The following GALNT10 variants were observed in gnomAD, a reference collection of about 807,000 sequenced individuals.
The protein encoded by GALNT10 is polypeptide N-acetylgalactosaminyltransferase 10.
A neutral mutation model predicts 75.0 loss-of-function variants in GALNT10; 41 were observed. The ratio of observed to expected loss-of-function variants is 0.55; its 90% confidence interval spans 0.43 to 0.71. The LOEUF is 0.71. Ranked by LOEUF, GALNT10 falls within the 30% of genes least tolerant of loss-of-function variation. GALNT10 has a pLI of 0.00. For missense variants in GALNT10, 727 were observed against 818.5 expected (o/e 0.89, Z 1.36); for synonymous variants, 302 against 313.0 (o/e 0.96, Z 0.37).
chr5:154,410,165 A>G lies in GALNT10; in HGVS notation c.1386+403A>G, dbSNP rs185236881. On this transcript the variant is annotated intron_variant, in intron 9 of 11. Transcript: ENST00000297107. ...CACAACAAACTCAGCTTTTTACTTC[A>G]CTTCTTGATAATGTGCATATTCTTC... is the stretch of plus-strand genomic sequence containing the variant. Among the ~76,000 whole-genome samples, 468 of 152,216 alleles carry G rather than the reference A, an allele frequency of 3.1e-3. 2 individuals carry two copies. The highest frequency in any genetic ancestry group is 0.011 in the African/African-American group (459 of 41,528).
At chr5:154,289,534 G>A (rs1282782818) in intron 1 of GALNT10, among the ~76,000 whole-genome samples, 1 of 152,194 alleles carries the variant, frequency 6.6e-6, no homozygotes, top group Non-Finnish European at 1.5e-5. Flanking sequence ...AGAACTGCAA[G>A]CTCTGGTTTG....
rs1245496605 is a variant in GALNT10 at position 154,418,837 on chromosome 5, T to G, written c.*1865T>G. The G allele has an allele frequency of 6.6e-6, 1 of 152,380 alleles. No individual in the cohort carries two copies. The highest frequency in any genetic ancestry group is 1.5e-5 in the Non-Finnish European group (1 of 68,042). The allele number at this position is 152,380 out of a possible 1,614,324, so 9.4% of individuals were successfully genotyped here. On this transcript the variant is annotated 3_prime_UTR_variant, in exon 12 of 12. Transcript: ENST00000297107. ...CCAGTGTCCTTTTCCAAATGAGTGCTGTAGCTTTAGAAGTGGCCCTCTATA... is the reference window on the plus strand; with the variant it reads ...CCAGTGTCCTTTTCCAAATGAGTGCGGTAGCTTTAGAAGTGGCCCTCTATA...
chr5:154,370,137 A>G (rs153415), intron 4 of GALNT10, among the ~76,000 whole-genome samples: 125,267 of 152,220 alleles, frequency 0.82, 51,592 homozygotes, highest in Middle Eastern at 0.93. Flanking sequence ...TGGACAAGAA[A>G]TGTTTTCTGG....
chr5:154,271,589 A>G (rs1020608017), intron 1 of GALNT10, among the ~76,000 whole-genome samples: 8 of 152,206 alleles, frequency 5.3e-5, no homozygotes, highest in Admixed American at 5.2e-4. Context: ...TGTCCTTCTC[A>G]TTATGTGTTC....
chr5:154,224,840 G>A (rs984425809), intron 1 of GALNT10, among the ~76,000 whole-genome samples: 1 of 149,474 alleles, frequency 6.7e-6, no homozygotes, highest in African/African-American at 2.5e-5. Context: ...GAGTGCAGTG[G>A]CAGGATCTCG....
chr5:154,206,508 A>T (rs529510838), intron 1 of GALNT10, among the ~76,000 whole-genome samples: 2 of 152,224 alleles, frequency 1.3e-5, no homozygotes, highest in Non-Finnish European at 2.9e-5. Flanking sequence ...CGAGTGTTGC[A>T]AGAGGAGATC....
chr5:154,204,079 C>T (rs969325367), intron 1 of GALNT10, among the ~76,000 whole-genome samples: 18 of 152,138 alleles, frequency 1.2e-4, no homozygotes, highest in Non-Finnish European at 2.9e-5. Flanking sequence ...ATGAAAGAGC[C>T]CTGGGTTTTG....
intron 1 of GALNT10, among the ~76,000 whole-genome samples, chr5:154,290,158 C>G (rs191051322): frequency 1.3e-5 from 2 of 149,126 alleles, no homozygotes; most frequent in East Asian, 3.9e-4. Flanking sequence ...GTTGCACAAT[C>G]GCGGCTCACC....
chr5:154,359,875 A>G (rs1246887010), intron 4 of GALNT10, among the ~76,000 whole-genome samples: 1 of 151,836 alleles, frequency 6.6e-6, no homozygotes, highest in African/African-American at 2.4e-5. Context: ...CTAAATAGGA[A>G]CTGCTTGGTG....
chr5:154,234,642 A>T (rs1051053912), intron 1 of GALNT10, among the ~76,000 whole-genome samples: 11 of 152,348 alleles, frequency 7.2e-5, no homozygotes, highest in African/African-American at 2.6e-4. Flanking sequence ...ATTCAAACCC[A>T]TTGAGTCTGG....
At chr5:154,257,628 G>T (rs60369186) in intron 1 of GALNT10, among the ~76,000 whole-genome samples, 1 of 150,598 alleles carries the variant, frequency 6.6e-6, no homozygotes, top group Non-Finnish European at 1.5e-5. Flanking sequence ...AGCCGAGATC[G>T]CACCACTGCA....
At chr5:154,236,509 A>G (rs1489962006) in intron 1 of GALNT10, among the ~76,000 whole-genome samples, 1 of 152,138 alleles carries the variant, frequency 6.6e-6, no homozygotes, top group Non-Finnish European at 1.5e-5. Context: ...AGCATCTGTT[A>G]GAAGTATTTT....
chr5:154,382,935 G>A (rs1755754686), intron 6 of GALNT10, among the ~76,000 whole-genome samples: 2 of 152,360 alleles, frequency 1.3e-5, no homozygotes, highest in South Asian at 4.1e-4. Flanking sequence ...GGCCTCACCA[G>A]AGAGCACTGG....
intron 10 of GALNT10, among the ~76,000 whole-genome samples, chr5:154,415,341 CTT>C (rs1443936776): frequency 2.1e-5 from 3 of 144,320 alleles, no homozygotes; most frequent in Non-Finnish European, 3.1e-5. Context: ...GAGTTGGTAA[CTT>C]ATTTTTTTTT....
chr5:154,286,820 T>C (rs908321143), intron 1 of GALNT10, among the ~76,000 whole-genome samples: 1 of 152,232 alleles, frequency 6.6e-6, no homozygotes, highest in African/African-American at 2.4e-5. Context: ...ACAGCAGGAC[T>C]TGCCTGACGT....
intron 1 of GALNT10, among the ~76,000 whole-genome samples, chr5:154,248,643 G>A (rs1753468678): frequency 6.6e-6 from 1 of 152,198 alleles, no homozygotes; most frequent in African/African-American, 2.4e-5. Flanking sequence ...ATTTCTGTGG[G>A]ATCAGTGGTG....
chr5:154,365,031 G>A (rs973521048), intron 4 of GALNT10, among the ~76,000 whole-genome samples: 1 of 152,238 alleles, frequency 6.6e-6, no homozygotes, highest in Non-Finnish European at 1.5e-5. Flanking sequence ...CCTGCCCACT[G>A]CTGAAAAGGG....
chr5:154,408,327 T>C (rs80210146), intron 8 of GALNT10, among the ~76,000 whole-genome samples: 4,237 of 152,234 alleles, frequency 0.028, 199 homozygotes, highest in African/African-American at 0.097. Context: ...CCTTTAACCT[T>C]TCAGAGGAAA....
At chr5:154,345,756 C>CTCCTGA in intron 4 of GALNT10, among the ~76,000 whole-genome samples, 1 of 151,104 alleles carries the variant, frequency 6.6e-6, no homozygotes, top group South Asian at 2.1e-4. Context: ...CCACCTCAGC[C>CTCCTGA]TCCTGAGTAG....
Sources: allele counts gnomAD v4.1 joint callset (sites outside exome capture counted in the v4.1 genomes callset), GRCh38; gene constraint gnomAD v4.1.1; transcripts MANE v1.5; gene names NCBI Gene and HGNC (gene_info 2026-07-23, HGNC 2026-07-21).